Variants in PSEN1 observed in about 807,000 individuals in gnomAD.
The protein encoded by PSEN1 is presenilin-1.
PSEN1 carries 15 observed loss-of-function variants against 53.5 expected under a neutral mutation model. The ratio of observed to expected loss-of-function variants is 0.28; its 90% confidence interval spans 0.19 to 0.43. PSEN1 has a LOEUF of 0.43. PSEN1 is among the 20% of genes least tolerant of loss of function. The pLI, the probability that PSEN1 is intolerant of heterozygous loss-of-function variation, is 1.00. For synonymous variants in PSEN1, 208 were observed against 209.8 expected (o/e 0.99, Z 0.08); for missense variants, 387 against 571.2 (o/e 0.68, Z 3.29).
intron 4 of PSEN1, among the ~76,000 whole-genome samples, chr14:73,171,280 G>C (rs1897883981): frequency 6.6e-6 from 1 of 152,232 alleles, no homozygotes; most frequent in Non-Finnish European, 1.5e-5. Flanking sequence ...GGATAGGGCT[G>C]AAGTTATGCT....
intron 7 of PSEN1, among the ~76,000 whole-genome samples, chr14:73,195,972 A>G (rs555648829): frequency 1.8e-4 from 28 of 152,312 alleles, no homozygotes; most frequent in South Asian, 1.4e-3. Flanking sequence ...TTTTCACCGT[A>G]TTACAATATT....
chr14:73,210,323 AG>A (rs1899627322), intron 9 of PSEN1, among the ~76,000 whole-genome samples: 1 of 152,242 alleles, frequency 6.6e-6, no homozygotes. Context: ...AAAGTAGTTT[AG>A]TTGTGAATAT....
chr14:73,219,379 T>C lies in PSEN1; in HGVS notation c.*90T>C. ...AAGGTGATTTTCCTGTGTCCACATCTAACAAAGTCAAGATTCCCGGCTGGA... is the reference window on the plus strand; with the variant it reads ...AAGGTGATTTTCCTGTGTCCACATCCAACAAAGTCAAGATTCCCGGCTGGA... On this transcript the variant is annotated 3_prime_UTR_variant, in exon 12 of 12. Coordinates refer to ENST00000324501, the MANE Select transcript of PSEN1 (RefSeq NM_000021.4). 1 of 1,376,620 alleles carries C rather than the reference T, an allele frequency of 7.3e-7. No homozygotes were observed. The highest frequency in any genetic ancestry group is 2.3e-5 in the East Asian group (1 of 43,740). 85.3% of individuals were successfully genotyped at this position (1,376,620 alleles called of 1,614,324 possible).
chr14:73,215,373 T>G (rs918470374), intron 10 of PSEN1, among the ~76,000 whole-genome samples: 2 of 151,416 alleles, frequency 1.3e-5, no homozygotes, highest in African/African-American at 4.8e-5. Flanking sequence ...CACCTGAGGT[T>G]TGGAGTTTGA....
Position 73,222,254 on chromosome 14 carries a change from T to A in PSEN1, c.*2965T>A, listed in dbSNP as rs1467523119. 6.6e-6 allele frequency: 1 copy of A among 152,342 alleles called. No individual in the cohort carries two copies. The highest frequency in any genetic ancestry group is 2.1e-4 in the South Asian group (1 of 4,830). 9.4% of individuals were successfully genotyped at this position (152,342 alleles called of 1,614,324 possible). The stretch of plus-strand genomic sequence containing the variant: ...TCATAAGTAAGCAATTTGTTGATTT[T>A]ACTACAGAAGCAACAACTGAAGAGG... On this transcript the variant is annotated 3_prime_UTR_variant, in exon 12 of 12. Transcript: ENST00000324501.
intron 6 of PSEN1, 46 bp from the exon 7 acceptor site, chr14:73,192,598 T>G: frequency 7.6e-7 from 1 of 1,316,120 alleles, no homozygotes; most frequent in Non-Finnish European, 1.1e-6. Flanking sequence ...AATGTTTTGG[T>G]GAAAATTATT....
intron 3 of PSEN1, among the ~76,000 whole-genome samples, chr14:73,162,694 T>G (rs755286234): frequency 1.3e-5 from 2 of 152,114 alleles, no homozygotes; most frequent in African/African-American, 4.8e-5. Flanking sequence ...TGTACTGATG[T>G]GTAGAAAAAT....
At chr14:73,148,949 C>T (rs1189690180) in intron 3 of PSEN1, among the ~76,000 whole-genome samples, 4 of 151,786 alleles carry the variant, frequency 2.6e-5, no homozygotes, top group Non-Finnish European at 5.9e-5. Context: ...AATAAATAAA[C>T]AATAAATAAA....
chr14:73,151,878 T>TTTTATA (rs1321315363), intron 3 of PSEN1, among the ~76,000 whole-genome samples: 4 of 56,908 alleles, frequency 7.0e-5, no homozygotes, highest in East Asian at 6.2e-4. Context: ...CTAAAATATT[T>TTTTATA]TATATATATA....
In PSEN1 at chr14:73,197,758, A is replaced by G. The variant is rs1899013206; in HGVS notation, c.770-273A>G. ...TTAAACTAGGAAGACTTGTTCCTAT[A>G]CCCCAGTAACGATACACTGTACACT... is the stretch of plus-strand genomic sequence containing the variant. On this transcript the variant is annotated intron_variant, in intron 7 of 11. Transcript: ENST00000324501. The G allele has an allele frequency of 1.1e-5, 5 of 438,460 alleles. No individual in the cohort carries two copies. In the Admixed American group the frequency reaches 1.9e-4, roughly 16 times the overall value. 27.2% of individuals were successfully genotyped at this position (438,460 alleles called of 1,614,324 possible).
chr14:73,187,379 A>G (rs1858123308), intron 6 of PSEN1, among the ~76,000 whole-genome samples: 2 of 152,246 alleles, frequency 1.3e-5, no homozygotes, highest in Non-Finnish European at 1.5e-5. Context: ...AGTGAAGCTC[A>G]GAGATGTGCC....
chr14:73,208,142 G>T (rs1184797472), intron 9 of PSEN1, among the ~76,000 whole-genome samples: 1 of 152,158 alleles, frequency 6.6e-6, no homozygotes, highest in East Asian at 1.9e-4. Context: ...TCCTGAGTCT[G>T]GACTCCCCGA....
At chr14:73,183,932 C>T (rs1237997896) in intron 5 of PSEN1, among the ~76,000 whole-genome samples, 35 of 145,460 alleles carry the variant, frequency 2.4e-4, no homozygotes, top group Non-Finnish European at 4.5e-4. Context: ...GGGGGCTGAC[C>T]CCCCCACCTC....
At chr14:73,189,116 A>G (rs946843547) in intron 6 of PSEN1, among the ~76,000 whole-genome samples, 1 of 152,194 alleles carries the variant, frequency 6.6e-6, no homozygotes, top group African/African-American at 2.4e-5. Context: ...TTTATCACCA[A>G]TTATCTAGCA....
chr14:73,201,618 G>A (rs932500198), intron 8 of PSEN1, among the ~76,000 whole-genome samples: 8 of 152,178 alleles, frequency 5.3e-5, no homozygotes, highest in Non-Finnish European at 1.2e-4. Flanking sequence ...TGGTGAAGAA[G>A]GAGAGGTATA....
At chr14:73,174,058 G>A in intron 5 of PSEN1, 1 of 390,824 alleles carries the variant, frequency 2.6e-6, no homozygotes, top group Non-Finnish European at 4.6e-6. Flanking sequence ...AAAAATTAGT[G>A]TAAAATATAT....
intron 5 of PSEN1, among the ~76,000 whole-genome samples, chr14:73,179,421 A>T (rs1398053955): frequency 6.6e-6 from 1 of 152,224 alleles, no homozygotes; most frequent in African/African-American, 2.4e-5. Context: ...GTTTATGACC[A>T]GCCTGGGCAA....
At chr14:73,174,797 C>T (rs1897997703) in intron 5 of PSEN1, among the ~76,000 whole-genome samples, 1 of 152,122 alleles carries the variant, frequency 6.6e-6, no homozygotes, top group African/African-American at 2.4e-5. Context: ...GTACTACTTC[C>T]TTCCTTGGGA....
chr14:73,175,608 ATT>A (rs1174868700), intron 5 of PSEN1, among the ~76,000 whole-genome samples: 1 of 152,058 alleles, frequency 6.6e-6, no homozygotes, highest in Non-Finnish European at 1.5e-5. Context: ...TGGTGTGAAC[ATT>A]TTTTCTATTA....
Sources: gnomAD v4.1 joint callset for allele counts (sites outside exome capture counted in the v4.1 genomes callset) on GRCh38, gnomAD v4.1.1 for gene constraint, MANE v1.5 for transcripts, NCBI Gene and HGNC (gene_info 2026-07-23, HGNC 2026-07-21) for gene names.